The following CADM2 variants were observed in gnomAD, a reference collection of about 807,000 sequenced individuals.
CADM2 encodes immunoglobulin superfamily member 4D.
Under a neutral mutation model 49.8 loss-of-function variants are expected in CADM2, and 12 were observed. That is an observed-to-expected ratio of 0.24 (90% CI 0.15 to 0.39). The LOEUF is 0.39. CADM2 is among the 10% of genes least tolerant of loss of function. The probability of loss-of-function intolerance (pLI) is 1.00; values close to 1 mark genes in which losing one functional copy is unlikely to be tolerated. For missense variants in CADM2, 378 were observed against 492.3 expected, an observed-to-expected ratio of 0.77 and a Z score of 2.20; for synonymous variants, 214 against 175.4, an observed-to-expected ratio of 1.22 and a Z score of -1.74.
At chr3:85,380,780 A>G (rs1360556755) in intron 1 of CADM2, among the ~76,000 whole-genome samples, 1 of 151,968 alleles carries the variant, frequency 6.6e-6, no homozygotes, top group East Asian at 1.9e-4. Context: ...CAGATAATCA[A>G]TTACTTTTTT....
chr3:85,482,886 A>G (rs1468874325), intron 1 of CADM2, among the ~76,000 whole-genome samples: 1 of 151,532 alleles, frequency 6.6e-6, no homozygotes, highest in African/African-American at 2.4e-5. Flanking sequence ...AATAAAACTT[A>G]ATATGCTATG....
Position 85,487,770 on chromosome 3 carries a change from G to A in CADM2, c.62-238752G>A, listed in dbSNP as rs1036132135. 6.6e-5 allele frequency among the ~76,000 whole-genome samples: 10 copies of A among 151,626 alleles called. 1 individual carries two copies. Among genetic ancestry groups the A allele is most frequent in the Middle Eastern group, 3.4e-3 (1 of 294 alleles). ...TGCGTGTGTGTGCGTGTGTGTGTGC[G>A]TGCGTGTGTGTGTGATGGGAATGAA... On this transcript the variant is annotated intron_variant, in intron 1 of 9. Transcript: ENST00000383699.
chr3:85,929,014 AT>A (rs139551183), intron 6 of CADM2, among the ~76,000 whole-genome samples: 5,157 of 152,230 alleles, frequency 0.034, 289 homozygotes, highest in African/African-American at 0.12. Flanking sequence ...TTTGCAAAAA[AT>A]ATCTGAGTTT....
At chr3:85,749,852 G>A (rs915527683) in intron 2 of CADM2, among the ~76,000 whole-genome samples, 8 of 151,630 alleles carry the variant, frequency 5.3e-5, no homozygotes, top group African/African-American at 1.9e-4. Flanking sequence ...GTTTAGTTGG[G>A]AGAATTTGGG....
chr3:85,839,074 G>T (rs2074527291), intron 3 of CADM2, among the ~76,000 whole-genome samples: 1 of 151,658 alleles, frequency 6.6e-6, no homozygotes, highest in Admixed American at 6.6e-5. Context: ...GAGAGCCTTG[G>T]TTTAATATTA....
rs1428518733 is a variant in CADM2, at chr3:86,013,680, G to T, written c.971-51925G>T. On this transcript the variant is annotated intron_variant, in intron 8 of 9. Transcript: ENST00000383699. ...GGAAGAGCACCTAACTGTGTTGGTG[G>T]GGTTTGTTGATGAATCTCATAGCCT... 12 of 1,601,766 alleles carry T rather than the reference G, an allele frequency of 7.5e-6. No individual in the cohort carries two copies. The African/African-American group carries it at 1.6e-4, about 21-fold the overall frequency.
chr3:85,891,028 T>C (rs937262838), intron 5 of CADM2, among the ~76,000 whole-genome samples: 23 of 152,284 alleles, frequency 1.5e-4, no homozygotes, highest in African/African-American at 5.5e-4. Context: ...GACTTTTTTT[T>C]AATAAGCTTT....
chr3:85,626,742 T>C (rs1167750111), intron 1 of CADM2, among the ~76,000 whole-genome samples: 1 of 152,086 alleles, frequency 6.6e-6, no homozygotes, highest in Non-Finnish European at 1.5e-5. Context: ...CTTTCAGTAT[T>C]GTGGATTCTA....
chr3:85,324,836 C>A (rs1559779902), intron 1 of CADM2, among the ~76,000 whole-genome samples: 1 of 152,170 alleles, frequency 6.6e-6, no homozygotes. Flanking sequence ...TCCAAAGAAA[C>A]TGGAGCATCA....
At chr3:85,465,154 C>A (rs2038434380) in intron 1 of CADM2, among the ~76,000 whole-genome samples, 1 of 151,478 alleles carries the variant, frequency 6.6e-6, no homozygotes, top group South Asian at 2.1e-4. Context: ...TGTCTCAAAA[C>A]AAAACAAAAC....
At chr3:85,428,822 C>CT (rs2036540537) in intron 1 of CADM2, among the ~76,000 whole-genome samples, 1 of 151,218 alleles carries the variant, frequency 6.6e-6, no homozygotes, top group South Asian at 2.1e-4. Flanking sequence ...TGCAGTTTTT[C>CT]TTTTACACTC....
At chr3:85,814,663 C>A (rs1317162672) in intron 3 of CADM2, among the ~76,000 whole-genome samples, 1 of 151,796 alleles carries the variant, frequency 6.6e-6, no homozygotes, top group Admixed American at 6.6e-5. Context: ...ATCAAATAGA[C>A]ACAATAAAAA....
intron 1 of CADM2, among the ~76,000 whole-genome samples, chr3:85,661,837 C>T (rs1030937367): frequency 6.6e-6 from 1 of 151,740 alleles, no homozygotes; most frequent in Non-Finnish European, 1.5e-5. Context: ...TAACTTTTAC[C>T]TTATTAGTCA....
Position 85,546,182 on chromosome 3 carries a change from G to A in CADM2, c.62-180340G>A, listed in dbSNP as rs527664289. Among the ~76,000 whole-genome samples the A allele has an allele frequency of 3.3e-5, 5 of 152,254 alleles. No individual in the cohort carries two copies. In the South Asian group the frequency reaches 1.0e-3, roughly 32 times the overall value. On this transcript the variant is annotated intron_variant, in intron 1 of 9. Coordinates refer to ENST00000383699, the MANE Select transcript of CADM2 (RefSeq NM_001167675.2). ...CCTAAGAAGGTGATCTGATAAGAAT[G>A]TGCTTCAAAATTCTAGCACCATGCT... is the stretch of plus-strand genomic sequence containing the variant.
At chr3:85,354,376 A>C (rs530762587) in intron 1 of CADM2, among the ~76,000 whole-genome samples, 10 of 134,706 alleles carry the variant, frequency 7.4e-5, no homozygotes, top group South Asian at 2.6e-4. Flanking sequence ...GGGGGGAGGG[A>C]TAGCATTAAG....
At chr3:85,069,712 T>G (rs1238879303) in intron 1 of CADM2, among the ~76,000 whole-genome samples, 2 of 152,132 alleles carry the variant, frequency 1.3e-5, no homozygotes, top group Non-Finnish European at 2.9e-5. Context: ...AGTATTATCT[T>G]TGATAAAAAA....
intron 1 of CADM2, among the ~76,000 whole-genome samples, chr3:85,332,807 T>G (rs76514402): frequency 0.072 from 10,963 of 151,822 alleles, 717 homozygotes; most frequent in African/African-American, 0.17. Flanking sequence ...GCAAGTAGAT[T>G]GAAGATTTGA....
chr3:85,367,763 A>G (rs1194745955), intron 1 of CADM2, among the ~76,000 whole-genome samples: 1 of 151,782 alleles, frequency 6.6e-6, no homozygotes, highest in East Asian at 1.9e-4. Context: ...AAATAAAAGT[A>G]ATATACCTGT....
chr3:85,882,217 G>A (rs1577555804), intron 3 of CADM2, among the ~76,000 whole-genome samples: 2 of 129,738 alleles, frequency 1.5e-5, no homozygotes, highest in East Asian at 4.8e-4. Context: ...CTGCTTATCT[G>A]CTCAGAACCT....
Sources: allele counts gnomAD v4.1 joint callset (sites outside exome capture counted in the v4.1 genomes callset), GRCh38; gene constraint gnomAD v4.1.1; transcripts MANE v1.5; gene names NCBI Gene and HGNC (gene_info 2026-07-23, HGNC 2026-07-21).